NEGR1: variants seen among roughly 807,000 people sequenced by gnomAD.
The protein encoded by NEGR1 is neuronal growth regulator 1, also known as IgLON family member 4.
NEGR1 carries 10 observed loss-of-function variants against 40.9 expected under a neutral mutation model. The observed-to-expected ratio is 0.24, with a 90% CI of 0.15 to 0.42. NEGR1 has a LOEUF of 0.42. Ranked by LOEUF, NEGR1 falls within the 10% of genes least tolerant of loss-of-function variation. The probability of loss-of-function intolerance (pLI) is 1.00; values close to 1 mark genes in which losing one functional copy is unlikely to be tolerated. For synonymous variants in NEGR1, 185 were observed against 166.8 expected (o/e 1.11, Z -0.84); for missense variants, 352 against 438.9 (o/e 0.80, Z 1.77).
intron 4 of NEGR1, among the ~76,000 whole-genome samples, chr1:71,691,657 A>G (rs907642469): frequency 3.3e-5 from 5 of 151,756 alleles, no homozygotes; most frequent in African/African-American, 9.7e-5. Flanking sequence ...TTCTTTTTTC[A>G]TTATGAAACA....
chr1:71,931,214 T>G (rs1216464209), intron 2 of NEGR1, among the ~76,000 whole-genome samples: 3 of 152,120 alleles, frequency 2.0e-5, no homozygotes, highest in African/African-American at 7.2e-5. Context: ...GCTAGTCAAA[T>G]CTCCTCCTAC....
intron 1 of NEGR1, among the ~76,000 whole-genome samples, chr1:72,260,497 A>G (rs1180338215): frequency 1.3e-5 from 2 of 152,120 alleles, no homozygotes; most frequent in African/African-American, 2.4e-5. Flanking sequence ...AAACCATTCT[A>G]TAAAATATGC....
chr1:71,826,774 G>GGATA (rs1658640838), intron 2 of NEGR1, among the ~76,000 whole-genome samples: 1 of 151,810 alleles, frequency 6.6e-6, no homozygotes, highest in Admixed American at 6.6e-5. Flanking sequence ...ACAAGGGCAG[G>GGATA]GATAGCTAGT....
At chr1:71,667,161 A>G (rs549411884) in intron 4 of NEGR1, among the ~76,000 whole-genome samples, 1 of 152,344 alleles carries the variant, frequency 6.6e-6, no homozygotes, top group South Asian at 2.1e-4. Flanking sequence ...ATTTTAGCAA[A>G]TGCAAAAATC....
chr1:71,804,146 A>G (rs192919385), intron 2 of NEGR1, among the ~76,000 whole-genome samples: 183 of 152,308 alleles, frequency 1.2e-3, no homozygotes, highest in Non-Finnish European at 2.2e-3. Context: ...TGATATTTAT[A>G]TAAAGTTGGT....
chr1:71,706,695 G>T (rs1399325447), intron 3 of NEGR1, among the ~76,000 whole-genome samples: 1 of 151,654 alleles, frequency 6.6e-6, no homozygotes, highest in Non-Finnish European at 1.5e-5. Context: ...GACTCAAAAG[G>T]CCCCCATTCC....
At chr1:72,051,477 C>T (rs1390035627) in intron 1 of NEGR1, among the ~76,000 whole-genome samples, 2 of 151,466 alleles carry the variant, frequency 1.3e-5, no homozygotes, top group Admixed American at 6.6e-5. Flanking sequence ...TTGTCAGTGA[C>T]TATATCTACA....
chr1:71,550,254 T>C (rs1648032921), intron 6 of NEGR1, among the ~76,000 whole-genome samples: 1 of 151,628 alleles, frequency 6.6e-6, no homozygotes, highest in South Asian at 2.1e-4. Flanking sequence ...CTTATTGATA[T>C]ACCTTCCCAG....
At chr1:71,855,159 T>G (rs1386463431) in intron 2 of NEGR1, among the ~76,000 whole-genome samples, 8 of 152,082 alleles carry the variant, frequency 5.3e-5, no homozygotes, top group African/African-American at 1.9e-4. Flanking sequence ...TTGCCCAAAG[T>G]CCTTCTAGAA....
At position 71,543,398 on chromosome 1, in the gene NEGR1, G is replaced by A. The variant is rs146507126; in HGVS notation, c.940+49419C>T. Among the ~76,000 whole-genome samples, 369 of 151,768 alleles carry A rather than the reference G, an allele frequency of 2.4e-3. 1 individual carries two copies. Among genetic ancestry groups the A allele is most frequent in the African/African-American group, 8.4e-3 (347 of 41,478 alleles). On this transcript the variant is annotated intron_variant, in intron 6 of 6. Coordinates refer to ENST00000357731, the MANE Select transcript of NEGR1 (RefSeq NM_173808.3). ...CAATAAAAGCCTCAGCTTGATCTGC[G>A]TATAAAACCCGTCTTAAAAAGTTAA...
chr1:71,798,939 C>A (rs1044417103), intron 2 of NEGR1, among the ~76,000 whole-genome samples: 6 of 152,092 alleles, frequency 3.9e-5, no homozygotes, highest in African/African-American at 1.4e-4. Flanking sequence ...TATATTAAGA[C>A]AGTTATCACT....
intron 2 of NEGR1, among the ~76,000 whole-genome samples, chr1:71,864,163 G>A (rs978578352): frequency 1.3e-5 from 2 of 152,090 alleles, no homozygotes; most frequent in East Asian, 1.9e-4. Flanking sequence ...CTTAGGGAGA[G>A]GTCGCCTGGG....
chr1:72,239,586 A>G (rs1654668577), intron 1 of NEGR1, among the ~76,000 whole-genome samples: 1 of 151,802 alleles, frequency 6.6e-6, no homozygotes, highest in Non-Finnish European at 1.5e-5. Flanking sequence ...ATTTGAAGTG[A>G]AACTACAAAA....
intron 6 of NEGR1, among the ~76,000 whole-genome samples, chr1:71,583,780 T>C (rs1169864985): frequency 6.6e-6 from 1 of 152,204 alleles, no homozygotes; most frequent in Non-Finnish European, 1.5e-5. Flanking sequence ...TTTAGAAAAC[T>C]TGGAATTCAT....
intron 1 of NEGR1, among the ~76,000 whole-genome samples, chr1:72,106,969 T>C (rs899881309): frequency 4.6e-5 from 7 of 151,892 alleles, no homozygotes; most frequent in Non-Finnish European, 8.8e-5. Context: ...AAATTTAGAA[T>C]TGTAAAGGGT....
At chr1:71,440,497 C>T (rs978528285) in intron 6 of NEGR1, among the ~76,000 whole-genome samples, 1 of 152,120 alleles carries the variant, frequency 6.6e-6, no homozygotes, top group South Asian at 2.1e-4. Context: ...TAATAATCGA[C>T]ATGTTGAGGT....
At chr1:71,426,079 G>A (rs959475592) in intron 6 of NEGR1, among the ~76,000 whole-genome samples, 1 of 152,178 alleles carries the variant, frequency 6.6e-6, no homozygotes, top group East Asian at 1.9e-4. Context: ...CAGTGCAGAA[G>A]ATAATGAGTA....
intron 6 of NEGR1, among the ~76,000 whole-genome samples, chr1:71,528,967 AT>A (rs1201606609): frequency 6.6e-6 from 1 of 151,142 alleles, no homozygotes; most frequent in Non-Finnish European, 1.5e-5. Context: ...TTTTTGGTTT[AT>A]TTTTAGGTAT....
chr1:71,474,269 G>T (rs1169565193), intron 6 of NEGR1, among the ~76,000 whole-genome samples: 5 of 141,700 alleles, frequency 3.5e-5, no homozygotes, highest in Non-Finnish European at 7.6e-5. Context: ...AATAAATAAA[G>T]AAAACAGGAA....
Sources: gnomAD v4.1 joint callset for allele counts (sites outside exome capture counted in the v4.1 genomes callset) on GRCh38, gnomAD v4.1.1 for gene constraint, MANE v1.5 for transcripts, NCBI Gene and HGNC (gene_info 2026-07-23, HGNC 2026-07-21) for gene names.